The following STARD9 variants were observed in gnomAD, a reference collection of about 807,000 sequenced individuals.
STARD9 encodes the protein StAR related lipid transfer domain containing 9, also known as stAR-related lipid transfer protein 9.
Under a neutral mutation model 399.8 loss-of-function variants are expected in STARD9, and 346 were observed. The ratio of observed to expected loss-of-function variants is 0.87; its 90% CI spans 0.79 to 0.95. The LOEUF is 0.95. STARD9 is among the 40% of genes least tolerant of loss of function. The probability of loss-of-function intolerance (pLI) is 0.00; values close to 1 mark genes in which losing one functional copy is unlikely to be tolerated. For synonymous variants in STARD9, 2,203 were observed against 2,143.5 expected, an observed-to-expected ratio of 1.03 and a Z score of -0.77; for missense variants, 5,832 against 5,667.5, an observed-to-expected ratio of 1.03 and a Z score of -0.93.
chr15:42,687,337 A>T lies in STARD9; in HGVS notation c.5759A>T (p.Glu1920Val). The T allele has an allele frequency of 6.5e-7, 1 of 1,536,766 alleles. No homozygotes were observed. Among genetic ancestry groups the T allele is most frequent in the Non-Finnish European group, 8.7e-7 (1 of 1,146,920 alleles). Reference protein sequence around the residue: ...FRESEAREEEELDQNTVLRQT... With the variant: ...FRESEAREEEVLDQNTVLRQT... The stretch of plus-strand genomic sequence containing the variant: ...GAATCTGAGGCACGAGAGGAAGAAG[A>T]GCTGGATCAGAATACGGTTCTGAGG... Residue 1920 changes from glutamate to valine, a missense_variant, in exon 23 of 33, where the codon GAG (glutamate) becomes GTG (valine). Physicochemically the swap from Glu to Val is moderately radical, Grantham distance 121 (BLOSUM62 -2). Transcript: ENST00000290607.
intron 26 of STARD9, among the ~76,000 whole-genome samples, chr15:42,715,538 A>T (rs1205089725): frequency 1.6e-5 from 2 of 125,096 alleles, no homozygotes; most frequent in Admixed American, 1.5e-4. Flanking sequence ...TTTTTTTTTG[A>T]GATGGAGTCT....
At chr15:42,578,920 A>T (rs982053114) in intron 1 of STARD9, among the ~76,000 whole-genome samples, 1 of 152,206 alleles carries the variant, frequency 6.6e-6, no homozygotes, top group Non-Finnish European at 1.5e-5. Flanking sequence ...GGGTCTTTTC[A>T]TAGTTCAAAA....
In STARD9 at chr15:42,691,546, C is replaced by T; in HGVS notation, c.9968C>T (p.Thr3323Ile). The change falls in exon 23 of 33, where the codon ACA becomes ATA. Residue 3323 changes from threonine to isoleucine, a missense_variant. Around this residue, in one of 2 missense-constraint regions of STARD9, gnomAD observed 5,828 missense variants for 5,651.1 expected, o/e 1.03. Transcript: ENST00000290607. ...CCCAAACACTCCAGGTCCTCCCCCA[C>T]ACCACAGTTCTCAGTTGTCGGCTCT... ...SGPKHSRSSP[T>I]PQFSVVGSSR... 6.5e-7 allele frequency: 1 copy of T among 1,537,300 alleles called. No individual in the cohort carries two copies. Among genetic ancestry groups the T allele is most frequent in the Non-Finnish European group, 8.7e-7 (1 of 1,146,918 alleles).
intron 3 of STARD9, among the ~76,000 whole-genome samples, chr15:42,611,389 A>G (rs188636421): frequency 5.3e-5 from 8 of 152,350 alleles, no homozygotes; most frequent in African/African-American, 1.9e-4. Context: ...AAATGTTCCC[A>G]GAGGATTTGC....
At chr15:42,611,268 G>T (rs1318580556) in intron 3 of STARD9, among the ~76,000 whole-genome samples, 1 of 152,226 alleles carries the variant, frequency 6.6e-6, no homozygotes, top group African/African-American at 2.4e-5. Context: ...GAGTTGAGTA[G>T]TTGTGACAGA....
At chr15:42,625,382 G>A (rs894309397) in intron 3 of STARD9, among the ~76,000 whole-genome samples, 5 of 151,416 alleles carry the variant, frequency 3.3e-5, no homozygotes, top group Admixed American at 1.3e-4. Context: ...CCAGACTAGA[G>A]TGCAGTGGCG....
chr15:42,665,097 G>A (rs1266018333), intron 13 of STARD9, among the ~76,000 whole-genome samples, 156 bp from the exon 14 acceptor site: 1 of 152,138 alleles, frequency 6.6e-6, no homozygotes, highest in African/African-American at 2.4e-5. Context: ...TAGGTGAAGT[G>A]GGTGCTGCGG....
At position 42,718,490 on chromosome 15, in the gene STARD9, TTG is replaced by T. The variant is rs2061392565; in HGVS notation, c.13822_13823del (p.Val4608LeufsTer19). The T allele has an allele frequency of 6.5e-7, 1 of 1,537,052 alleles. No individual in the cohort carries two copies. Among genetic ancestry groups the T allele is most frequent in the South Asian group, 1.2e-5 (1 of 84,064 alleles). On this transcript the variant is annotated frameshift_variant, in exon 31 of 33. Transcript: ENST00000290607. LOFTEE classifies it high-confidence loss of function. Reference protein sequence around the residue: ...CALKQPRDFCCVCVEAKEGHL... With the variant: ...CALKQPRDFCXVCVEAKEGHL... ...CACTGAAGCAGCCACGGGATTTCTG[TTG>T]TGTCTGCGTGGAAGCCAAAGAGGTG...
At position 42,597,996 on chromosome 15, in the gene STARD9, A is replaced by ATGTGTGTGTG. The variant is rs1267453797; in HGVS notation, c.234+12360_234+12361insGTGTGTGTGT. 2.4e-3 allele frequency among the ~76,000 whole-genome samples: 104 copies of ATGTGTGTGTG among 43,970 alleles called. 1 individual carries two copies. Among genetic ancestry groups the ATGTGTGTGTG allele is most frequent in the Middle Eastern group, 0.011 (1 of 94 alleles). 28.8% of individuals were successfully genotyped at this position (43,970 alleles called of 152,430 possible). A position where few individuals can be genotyped will look rare whatever the true frequency, so the allele number is the denominator to read the frequency against. ...TGTGTGTGTGTGTGTGTTTGTATAT[A>ATGTGTGTGTG]TATATGTGTGTGTGTGTGTGTGTGT... On this transcript the variant is annotated intron_variant, in intron 3 of 32. Transcript: ENST00000290607.
intron 1 of STARD9, among the ~76,000 whole-genome samples, chr15:42,576,416 A>G (rs539828981): frequency 6.6e-6 from 1 of 152,330 alleles, no homozygotes; most frequent in African/African-American, 2.4e-5. Flanking sequence ...TGCAGCCACG[A>G]ACTTTTTTCT....
intron 3 of STARD9, among the ~76,000 whole-genome samples, chr15:42,602,173 C>T (rs1303242079): frequency 1.3e-5 from 2 of 152,202 alleles, no homozygotes. Context: ...GTGTTTGTTT[C>T]CTACACCAAA....
intron 3 of STARD9, among the ~76,000 whole-genome samples, chr15:42,610,810 G>T (rs2058833163): frequency 6.6e-6 from 1 of 152,196 alleles, no homozygotes; most frequent in South Asian, 2.1e-4. Context: ...GCCTCCCAAA[G>T]TGCTGGGATT....
In STARD9 at chr15:42,693,315, C is replaced by CT; in HGVS notation, c.11740dup (p.Ser3914PhefsTer16). The CT allele has an allele frequency of 6.5e-7, 1 of 1,537,120 alleles. No homozygotes were observed. Among genetic ancestry groups the CT allele is most frequent in the Non-Finnish European group, 8.7e-7 (1 of 1,146,878 alleles). The stretch of plus-strand genomic sequence containing the variant: ...TAGTGCCAGCACCCAAGAGCCGGGT[C>CT]TTTCCCCAGGCTCTTTGACCCTCTC... On this transcript the variant is annotated frameshift_variant, in exon 23 of 33. Transcript: ENST00000290607. LOFTEE classifies it high-confidence loss of function.
intron 3 of STARD9, among the ~76,000 whole-genome samples, chr15:42,588,818 A>G (rs1230208286): frequency 9.1e-3 from 340 of 37,258 alleles, no homozygotes; most frequent in East Asian, 0.012. Context: ...TTTTTTTTGG[A>G]GTGGGGGGTG....
Position 42,717,656 on chromosome 15 carries a change from C to G in STARD9, c.13495-75C>G, listed in dbSNP as rs935609251. 5.1e-5 allele frequency: 66 copies of G among 1,292,094 alleles called. No individual in the cohort carries two copies. In the African/African-American group the frequency reaches 9.1e-4, roughly 18 times the overall value. 80.0% of individuals were successfully genotyped at this position (1,292,094 alleles called of 1,614,324 possible). On this transcript the variant is annotated intron_variant, in intron 28 of 32. Coordinates refer to ENST00000290607, the MANE Select transcript of STARD9 (RefSeq NM_020759.3). ...AAAGAAAAGGGGAATTTAGCAGATGCAGGCCAGACTGACTAACCCAGGGGC... is the reference window on the plus strand; with the variant it reads ...AAAGAAAAGGGGAATTTAGCAGATGGAGGCCAGACTGACTAACCCAGGGGC...
At chr15:42,683,265 G>A (rs551436564) in intron 22 of STARD9, among the ~76,000 whole-genome samples, 5 of 152,110 alleles carry the variant, frequency 3.3e-5, no homozygotes, top group East Asian at 1.9e-4. Flanking sequence ...TACCAGGTGG[G>A]CTTTTTAAAA....
intron 13 of STARD9, among the ~76,000 whole-genome samples, chr15:42,664,322 G>C (rs546931794): frequency 1.4e-4 from 22 of 152,160 alleles, no homozygotes; most frequent in African/African-American, 5.3e-4. Context: ...TGTGTTTACT[G>C]CTTTTATTTT....
At chr15:42,644,283 G>A (rs2059602498) in intron 7 of STARD9, among the ~76,000 whole-genome samples, 3 of 152,162 alleles carry the variant, frequency 2.0e-5, no homozygotes, top group African/African-American at 7.2e-5. Flanking sequence ...CACAAGGTCA[G>A]GAGATAGAGA....
intron 22 of STARD9, among the ~76,000 whole-genome samples, chr15:42,683,213 GTC>G (rs1329464154): frequency 6.6e-6 from 1 of 152,174 alleles, no homozygotes; most frequent in Non-Finnish European, 1.5e-5. Flanking sequence ...CACAATTAAC[GTC>G]TGTTAGTGTT....
Sources: gnomAD v4.1 joint callset for allele counts (sites outside exome capture counted in the v4.1 genomes callset) on GRCh38, gnomAD v4.1.1 for gene constraint, gnomAD v4.1.1 regional missense constraint, MANE v1.5 for transcripts, NCBI Gene and HGNC (gene_info 2026-07-23, HGNC 2026-07-21) for gene names.